FRMD6: variants seen among roughly 807,000 people sequenced by gnomAD.
FRMD6 encodes FERM domain-containing protein 6.
A neutral mutation model predicts 73.2 loss-of-function variants in FRMD6; 37 were observed. That is an observed-to-expected ratio of 0.51 (90% confidence interval 0.39 to 0.66). FRMD6 has a LOEUF of 0.66. Ranked by LOEUF, FRMD6 falls within the 30% of genes least tolerant of loss-of-function variation. FRMD6 has a pLI of 0.00. For missense variants in FRMD6, 714 were observed against 780.5 expected (o/e 0.91, Z 1.02); for synonymous variants, 273 against 282.2 (o/e 0.97, Z 0.33).
chr14:51,444,192 G>C, the FRMD6 span, among the ~76,000 whole-genome samples: 1 of 152,334 alleles, frequency 6.6e-6, no homozygotes, highest in Admixed American at 6.5e-5. Context: ...GCCTCCCAAA[G>C]TGCCGGGATT....
At chr14:51,554,128 T>A (rs1429837119) in intron 1 of FRMD6, among the ~76,000 whole-genome samples, 1 of 152,078 alleles carries the variant, frequency 6.6e-6, no homozygotes, top group Non-Finnish European at 1.5e-5. Context: ...GATGAGACTA[T>A]ATTCAAAGGA....
At chr14:51,666,980 CA>C (rs1172057216) in intron 1 of FRMD6, among the ~76,000 whole-genome samples, 1 of 151,948 alleles carries the variant, frequency 6.6e-6, no homozygotes, top group East Asian at 1.9e-4. Context: ...ACAAAAAATA[CA>C]AAAGTTAATT....
intron 9 of FRMD6, 152 bp from the exon 10 acceptor site, chr14:51,715,173 A>G (rs1897170719): frequency 1.6e-6 from 1 of 616,506 alleles, no homozygotes; most frequent in African/African-American, 1.9e-5. Flanking sequence ...CATTTTTGAA[A>G]GGAAAAACAA....
chr14:51,438,644 G>T, the FRMD6 span, among the ~76,000 whole-genome samples: 1 of 152,180 alleles, frequency 6.6e-6, no homozygotes, highest in Non-Finnish European at 1.5e-5. Context: ...GGGAAACATG[G>T]GTACCATTCG....
intron 1 of FRMD6, among the ~76,000 whole-genome samples, chr14:51,514,897 A>G (rs935111797): frequency 5.3e-5 from 8 of 152,174 alleles, no homozygotes; most frequent in African/African-American, 1.9e-4. Context: ...AAAGGAAGCA[A>G]TATGCGATGC....
At chr14:51,678,077 T>C (rs893397119) in intron 1 of FRMD6, among the ~76,000 whole-genome samples, 4 of 152,208 alleles carry the variant, frequency 2.6e-5, no homozygotes, top group African/African-American at 7.2e-5. Flanking sequence ...TGTTTACTAA[T>C]AGTTAACACT....
intron 1 of FRMD6, among the ~76,000 whole-genome samples, chr14:51,662,771 C>T (rs1389358461): frequency 1.3e-5 from 2 of 151,996 alleles, no homozygotes; most frequent in East Asian, 3.8e-4. Context: ...AAAGCAATTG[C>T]AACAAAGGCA....
intron 10 of FRMD6, among the ~76,000 whole-genome samples, chr14:51,719,810 A>G (rs780130039): frequency 6.6e-6 from 1 of 152,054 alleles, no homozygotes; most frequent in Non-Finnish European, 1.5e-5. Flanking sequence ...TTTAAATACC[A>G]CTCTTCTTAT....
intron 2 of FRMD6, among the ~76,000 whole-genome samples, chr14:51,633,880 C>T (rs866060442): frequency 3.3e-5 from 5 of 152,088 alleles, no homozygotes; most frequent in Admixed American, 6.6e-5. Flanking sequence ...AATAATGCAG[C>T]GATTAACACA....
intron 1 of FRMD6, among the ~76,000 whole-genome samples, chr14:51,560,434 A>G (rs576906645): frequency 4.6e-5 from 7 of 152,312 alleles, no homozygotes; most frequent in African/African-American, 1.7e-4. Context: ...ATAACAGCCA[A>G]GTGGGCAGGT....
At chr14:51,646,693 T>C (rs1035635105) in intron 2 of FRMD6, among the ~76,000 whole-genome samples, 4 of 151,148 alleles carry the variant, frequency 2.6e-5, no homozygotes, top group Non-Finnish European at 5.9e-5. Context: ...ATCCACCCTT[T>C]GTCCTGCCCT....
intron 1 of FRMD6, among the ~76,000 whole-genome samples, chr14:51,684,151 A>T (rs1018585729): frequency 3.7e-5 from 5 of 135,240 alleles, no homozygotes; most frequent in Non-Finnish European, 1.6e-5. Context: ...TTAAATAAAT[A>T]AATGACCCTT....
intron 1 of FRMD6, among the ~76,000 whole-genome samples, chr14:51,526,996 G>A (rs1171883493): frequency 6.6e-6 from 1 of 152,230 alleles, no homozygotes; most frequent in Non-Finnish European, 1.5e-5. Flanking sequence ...GTCCTAGAAG[G>A]AAGAGAGGAA....
intron 1 of FRMD6, among the ~76,000 whole-genome samples, chr14:51,507,733 T>C (rs1222177482): frequency 6.6e-6 from 1 of 151,566 alleles, no homozygotes. Flanking sequence ...GAGTGAGTGT[T>C]TGTTGAAAAC....
At chr14:51,514,126 C>G (rs921387859) in intron 1 of FRMD6, among the ~76,000 whole-genome samples, 19 of 152,144 alleles carry the variant, frequency 1.2e-4, no homozygotes, top group African/African-American at 4.6e-4. Flanking sequence ...AATCTCTCCC[C>G]CACATGACTC....
Position 51,720,306 on chromosome 14 carries a change from T to C in FRMD6, c.1276T>C (p.Ser426Pro), listed in dbSNP as rs1171772112. ...CCACCGCAAGCTGAAAACCTGCAGC[T>C]CAATGACCAGTCATGGCAGCTCCCA... The part of the protein sequence containing the change: ...AIHRKLKTCS[S>P]MTSHGSSHTS... The change falls in exon 11 of 14, where the codon TCA becomes CCA. Residue 426 changes from serine (S) to proline (P), a missense_variant. Coordinates refer to ENST00000344768, the MANE Select transcript of FRMD6 (RefSeq NM_001267046.2). 13 of 1,613,850 alleles carry C rather than the reference T, an allele frequency of 8.1e-6. No homozygotes were observed. Among genetic ancestry groups the C allele is most frequent in the Non-Finnish European group, 9.3e-6 (11 of 1,180,028 alleles).
At chr14:51,408,429 T>C in the FRMD6 span, among the ~76,000 whole-genome samples, 2 of 152,194 alleles carry the variant, frequency 1.3e-5, no homozygotes, top group African/African-American at 4.8e-5. Context: ...CCATAGTCTA[T>C]ATTACATAAC....
the FRMD6 span, among the ~76,000 whole-genome samples, chr14:51,416,204 T>A: frequency 6.6e-6 from 1 of 152,078 alleles, no homozygotes; most frequent in African/African-American, 2.4e-5. Flanking sequence ...GCTTTTGAAT[T>A]TGTTTGCTCT....
intron 1 of FRMD6, among the ~76,000 whole-genome samples, chr14:51,551,672 G>A (rs554502532): frequency 6.8e-4 from 103 of 152,202 alleles, no homozygotes; most frequent in Non-Finnish European, 5.4e-4. Context: ...AGGAGGTCAA[G>A]GCTGCAGTGA....
Sources: allele counts gnomAD v4.1 joint callset (sites outside exome capture counted in the v4.1 genomes callset), GRCh38; gene constraint gnomAD v4.1.1; transcripts MANE v1.5; gene names NCBI Gene and HGNC (gene_info 2026-07-23, HGNC 2026-07-21).